DACH1: variants seen among roughly 807,000 people sequenced by gnomAD.
DACH1 encodes the protein dachshund family transcription factor 1.
In DACH1, 12 loss-of-function variants were observed where a neutral mutation model predicts 54.2. The ratio of observed to expected loss-of-function variants is 0.22; its 90% confidence interval spans 0.14 to 0.36. The LOEUF (loss-of-function observed/expected upper bound fraction) is 0.36. Ranked by LOEUF, DACH1 falls within the 10% of genes least tolerant of loss-of-function variation. DACH1 has a pLI of 1.00. For missense variants in DACH1, 805 were observed against 929.8 expected (o/e 0.87, Z 1.75); for synonymous variants, 386 against 366.2 (o/e 1.05, Z -0.62).
chr13:71,763,387 A>G (rs1215163785), intron 1 of DACH1, among the ~76,000 whole-genome samples: 2 of 152,188 alleles, frequency 1.3e-5, no homozygotes, highest in African/African-American at 4.8e-5. Flanking sequence ...GTGTTGTTAT[A>G]GATTATTTCC....
intron 1 of DACH1, among the ~76,000 whole-genome samples, chr13:71,700,324 G>A (rs1025886005): frequency 8.5e-5 from 13 of 152,100 alleles, no homozygotes; most frequent in African/African-American, 3.1e-4. Flanking sequence ...TTGGGAGTCC[G>A]AGTTGGGCGG....
At chr13:71,671,101 T>A (rs1052648272) in intron 2 of DACH1, among the ~76,000 whole-genome samples, 6 of 151,992 alleles carry the variant, frequency 3.9e-5, no homozygotes, top group African/African-American at 1.4e-4. Flanking sequence ...TGTTTACTGT[T>A]TAAAATAATA....
chr13:71,635,863 C>T (rs1439240857), intron 2 of DACH1, among the ~76,000 whole-genome samples: 1 of 152,112 alleles, frequency 6.6e-6, no homozygotes, highest in Admixed American at 6.5e-5. Flanking sequence ...TCACTGCAAC[C>T]TCCACCTTCC....
intron 6 of DACH1, among the ~76,000 whole-genome samples, chr13:71,526,680 A>G (rs990338371): frequency 1.3e-5 from 2 of 150,904 alleles, no homozygotes; most frequent in Non-Finnish European, 3.0e-5. Flanking sequence ...TTGTTCTGCC[A>G]TGATCATACA....
intron 1 of DACH1, among the ~76,000 whole-genome samples, chr13:71,865,270 G>A (rs1874649856): frequency 6.6e-6 from 1 of 152,108 alleles, no homozygotes; most frequent in Non-Finnish European, 1.5e-5. Context: ...TCAAGTCCCC[G>A]GAGCCCATCC....
chr13:71,583,117 T>G (rs1187712517), intron 3 of DACH1, among the ~76,000 whole-genome samples: 1 of 152,182 alleles, frequency 6.6e-6, no homozygotes, highest in African/African-American at 2.4e-5. Context: ...TTTTATTCTT[T>G]TTATTTTAAA....
At chr13:71,740,506 G>A (rs1337741124) in intron 1 of DACH1, among the ~76,000 whole-genome samples, 1 of 152,066 alleles carries the variant, frequency 6.6e-6, no homozygotes, top group African/African-American at 2.4e-5. Flanking sequence ...CTTGGCCTAT[G>A]TTCTTTAAAA....
intron 1 of DACH1, among the ~76,000 whole-genome samples, chr13:71,741,659 C>T (rs1884393730): frequency 1.3e-5 from 2 of 151,996 alleles, no homozygotes; most frequent in Non-Finnish European, 2.9e-5. Context: ...CTCTTATTAA[C>T]TTATTTAAAT....
chr13:71,771,528 A>C (rs1885853810), intron 1 of DACH1, among the ~76,000 whole-genome samples: 1 of 151,392 alleles, frequency 6.6e-6, no homozygotes, highest in Non-Finnish European at 1.5e-5. Context: ...CCAAAGTAGA[A>C]CTTACAGAAC....
chr13:71,753,211 A>C (rs1884999790), intron 1 of DACH1, among the ~76,000 whole-genome samples: 1 of 152,192 alleles, frequency 6.6e-6, no homozygotes, highest in Admixed American at 6.5e-5. Context: ...AATAACTTCA[A>C]GGCACTAGGG....
At chr13:71,622,654 C>T (rs1382035878) in intron 3 of DACH1, among the ~76,000 whole-genome samples, 1 of 151,632 alleles carries the variant, frequency 6.6e-6, no homozygotes, top group Non-Finnish European at 1.5e-5. Context: ...CAGGACTTTC[C>T]ATGATGAAAA....
intron 10 of DACH1, among the ~76,000 whole-genome samples, chr13:71,466,867 C>T (rs1278868197): frequency 1.3e-5 from 1 of 76,144 alleles, no homozygotes; most frequent in Non-Finnish European, 3.1e-5. Flanking sequence ...AAAAAAAAGA[C>T]AACAGATATA....
At chr13:71,693,626 C>G (rs899638889) in intron 1 of DACH1, among the ~76,000 whole-genome samples, 3 of 151,944 alleles carry the variant, frequency 2.0e-5, no homozygotes, top group African/African-American at 7.2e-5. Flanking sequence ...CCTGGTTTTG[C>G]TTTTCGAGTT....
intron 2 of DACH1, among the ~76,000 whole-genome samples, chr13:71,645,581 C>T (rs1049811268): frequency 6.6e-6 from 1 of 152,062 alleles, no homozygotes; most frequent in African/African-American, 2.4e-5. Context: ...AGTTGTGCTA[C>T]AGTACACAGG....
At chr13:71,694,376 A>G (rs1297490118) in intron 1 of DACH1, among the ~76,000 whole-genome samples, 1 of 152,198 alleles carries the variant, frequency 6.6e-6, no homozygotes, top group Non-Finnish European at 1.5e-5. Flanking sequence ...GAACTAATGA[A>G]AAGGTGATGT....
At chr13:71,493,002 C>CT (rs1455727311) in intron 6 of DACH1, among the ~76,000 whole-genome samples, 4 of 149,464 alleles carry the variant, frequency 2.7e-5, no homozygotes, top group Non-Finnish European at 5.9e-5. Flanking sequence ...AATATTTTAA[C>CT]TTTTTTGTGA....
At chr13:71,742,458 C>T (rs1884430342) in intron 1 of DACH1, among the ~76,000 whole-genome samples, 1 of 152,044 alleles carries the variant, frequency 6.6e-6, no homozygotes, top group African/African-American at 2.4e-5. Flanking sequence ...GTAAAATGTT[C>T]TAACCACTAT....
chr13:71,483,185 G>A (rs962704383), intron 7 of DACH1, among the ~76,000 whole-genome samples: 7 of 151,732 alleles, frequency 4.6e-5, no homozygotes, highest in Non-Finnish European at 8.8e-5. Flanking sequence ...CTGCAACGCC[G>A]ATGTATGACA....
At chr13:71,479,372 C>A in intron 7 of DACH1, 56 bp from the exon 8 acceptor site, 1 of 1,557,068 alleles carries the variant, frequency 6.4e-7, no homozygotes, top group South Asian at 1.2e-5. Context: ...AAATTTCGTT[C>A]ATTACTTAAA....
Sources: allele counts gnomAD v4.1 joint callset (sites outside exome capture counted in the v4.1 genomes callset), GRCh38; gene constraint gnomAD v4.1.1; transcripts MANE v1.5; gene names NCBI Gene and HGNC (gene_info 2026-07-23, HGNC 2026-07-21).